Variants in CTNNA2 observed in about 807,000 individuals in gnomAD.
The protein encoded by CTNNA2 is catenin alpha-2.
A neutral mutation model predicts 101.0 loss-of-function variants in CTNNA2; 42 were observed. That is an observed-to-expected ratio of 0.42 (90% CI 0.32 to 0.54). The LOEUF is 0.54. Ranked by LOEUF, CTNNA2 falls within the 20% of genes least tolerant of loss-of-function variation. The probability of loss-of-function intolerance (pLI) is 0.14; values close to 1 mark genes in which losing one functional copy is unlikely to be tolerated. For missense variants in CTNNA2, 871 were observed against 1,223.1 expected (o/e 0.71, Z 4.29); for synonymous variants, 450 against 456.4 (o/e 0.99, Z 0.18).
intron 1 of CTNNA2, among the ~76,000 whole-genome samples, chr2:79,582,918 A>G (rs1314554669): frequency 1.3e-5 from 2 of 152,070 alleles, no homozygotes; most frequent in African/African-American, 4.8e-5. Context: ...TGCAGCCACA[A>G]ATCTGTTTTT....
At chr2:80,536,363 A>C (rs1475303064) in intron 9 of CTNNA2, among the ~76,000 whole-genome samples, 1 of 152,194 alleles carries the variant, frequency 6.6e-6, no homozygotes, top group Non-Finnish European at 1.5e-5. Context: ...TTATTTAAAT[A>C]AATTCATTTT....
chr2:80,465,234 G>T (rs374408775), intron 9 of CTNNA2, among the ~76,000 whole-genome samples: 1 of 152,118 alleles, frequency 6.6e-6, no homozygotes, highest in East Asian at 1.9e-4. Flanking sequence ...CACATGATAG[G>T]CTCCATGAAT....
At chr2:79,501,770 A>G (rs575990834) in intron 4 of CTNNA2, among the ~76,000 whole-genome samples, 1 of 152,146 alleles carries the variant, frequency 6.6e-6, no homozygotes. Flanking sequence ...CTGCCTCATC[A>G]TGTATCTTAT....
At chr2:80,347,561 T>C (rs968622304) in intron 7 of CTNNA2, among the ~76,000 whole-genome samples, 1 of 152,146 alleles carries the variant, frequency 6.6e-6, no homozygotes, top group Non-Finnish European at 1.5e-5. Context: ...TAACTTTTCA[T>C]GGAGGTGGGA....
At chr2:79,416,879 C>T (rs1475507682) in intron 4 of CTNNA2, among the ~76,000 whole-genome samples, 1 of 152,090 alleles carries the variant, frequency 6.6e-6, no homozygotes, top group Non-Finnish European at 1.5e-5. Context: ...TAACTTCTTA[C>T]AGGATCTTCC....
At chr2:80,570,014 G>A (rs1036347458) in intron 12 of CTNNA2, among the ~76,000 whole-genome samples, 3 of 151,742 alleles carry the variant, frequency 2.0e-5, no homozygotes, top group African/African-American at 7.3e-5. Context: ...CTGTCAAGAT[G>A]GGTCATTGTT....
At chr2:79,668,302 T>C (rs918431260) in intron 2 of CTNNA2, among the ~76,000 whole-genome samples, 1 of 151,160 alleles carries the variant, frequency 6.6e-6, no homozygotes, top group Non-Finnish European at 1.5e-5. Flanking sequence ...TCTCTGTCAT[T>C]TTGGAAAATC....
At chr2:79,689,638 G>A (rs1256655195) in intron 2 of CTNNA2, among the ~76,000 whole-genome samples, 1 of 151,790 alleles carries the variant, frequency 6.6e-6, no homozygotes, top group East Asian at 1.9e-4. Context: ...TAGCAAAAAA[G>A]CAAACCACAA....
chr2:79,821,201 TTTAA>T (rs1480295498), intron 3 of CTNNA2, among the ~76,000 whole-genome samples: 1 of 152,164 alleles, frequency 6.6e-6, no homozygotes, highest in Non-Finnish European at 1.5e-5. Context: ...TCTATTGTGC[TTTAA>T]TTGTTTTTAT....
At chr2:80,392,346 A>G (rs935886796) in intron 7 of CTNNA2, among the ~76,000 whole-genome samples, 2 of 152,328 alleles carry the variant, frequency 1.3e-5, no homozygotes, top group Admixed American at 6.5e-5. Flanking sequence ...AATTTAATCA[A>G]TTTGACAAGG....
At chr2:80,613,542 A>G (rs1261171538) in intron 17 of CTNNA2, among the ~76,000 whole-genome samples, 1 of 151,304 alleles carries the variant, frequency 6.6e-6, no homozygotes, top group African/African-American at 2.4e-5. Flanking sequence ...GGAGTCTGGT[A>G]TACTGCTCCA....
chr2:80,112,742 T>G (rs559590969), intron 7 of CTNNA2, among the ~76,000 whole-genome samples: 1 of 152,346 alleles, frequency 6.6e-6, no homozygotes, highest in Admixed American at 6.5e-5. Context: ...CCTGCATTTT[T>G]GCGCACCCTA....
chr2:80,004,414 C>T (rs1169242217), intron 7 of CTNNA2, among the ~76,000 whole-genome samples: 1 of 152,012 alleles, frequency 6.6e-6, no homozygotes, highest in African/African-American at 2.4e-5. Flanking sequence ...AGAAGAGAAG[C>T]CATGAACAAG....
At position 80,179,615 on chromosome 2, in the gene CTNNA2, C is replaced by T. The variant is rs146947206; in HGVS notation, c.1057-213596C>T. ...GTCTAGATCTCCTGACCTCGTGATC[C>T]GCCCACGACAGCCTCCCAAAATGCT... On this transcript the variant is annotated intron_variant, in intron 7 of 18. Transcript: ENST00000402739. 6.6e-5 allele frequency among the ~76,000 whole-genome samples: 10 copies of T among 152,272 alleles called. No homozygotes were observed. The East Asian group carries it at 9.7e-4, about 15-fold the overall frequency.
intron 7 of CTNNA2, among the ~76,000 whole-genome samples, chr2:79,956,847 T>TTTTTTTCTTTTTTC (rs1689265109): frequency 3.4e-5 from 1 of 29,412 alleles, no homozygotes; most frequent in African/African-American, 7.6e-5. Context: ...GTGTGGGTTT[T>TTTTTTTCTTTTTTC]TTTTTTTTTT....
chr2:79,859,807 G>A (rs879130564), intron 4 of CTNNA2, among the ~76,000 whole-genome samples: 3 of 152,054 alleles, frequency 2.0e-5, no homozygotes, highest in Non-Finnish European at 4.4e-5. Flanking sequence ...CAGAGTAACT[G>A]GGTTTCATCT....
intron 6 of CTNNA2, among the ~76,000 whole-genome samples, chr2:79,884,623 A>G (rs1381921272): frequency 6.6e-6 from 1 of 152,166 alleles, no homozygotes. Context: ...TCTCAACCAC[A>G]TTAAGCTGAA....
At chr2:79,729,109 T>A (rs2104909138) in intron 2 of CTNNA2, among the ~76,000 whole-genome samples, 1 of 152,278 alleles carries the variant, frequency 6.6e-6, no homozygotes, top group South Asian at 2.1e-4. Context: ...GGATAATTTT[T>A]AATTTATAGC....
intron 4 of CTNNA2, among the ~76,000 whole-genome samples, chr2:79,439,038 G>A (rs972166633): frequency 2.6e-5 from 4 of 152,114 alleles, no homozygotes; most frequent in African/African-American, 9.7e-5. Flanking sequence ...AAACACAGAA[G>A]CATCATAGGA....
Sources: gnomAD v4.1 joint callset for allele counts (sites outside exome capture counted in the v4.1 genomes callset) on GRCh38, gnomAD v4.1.1 for gene constraint, MANE v1.5 for transcripts, NCBI Gene and HGNC (gene_info 2026-07-23, HGNC 2026-07-21) for gene names.